PHKA1: variants seen among roughly 807,000 people sequenced by gnomAD.
PHKA1 encodes the protein phosphorylase kinase regulatory subunit alpha 1.
Under a neutral mutation model 110.2 loss-of-function variants are expected in PHKA1, and 60 were observed. That is an observed-to-expected ratio of 0.54 (90% CI 0.44 to 0.68). The LOEUF (loss-of-function observed/expected upper bound fraction) is 0.68, where lower values mean the gene tolerates loss of function less well. PHKA1 is among the 30% of genes least tolerant of loss of function. The pLI is 0.00. For missense variants in PHKA1, 801 were observed against 942.5 expected (o/e 0.85, Z 1.97); for synonymous variants, 316 against 333.6 (o/e 0.95, Z 0.58).
rs189185117 is a variant in PHKA1 at position 72,612,827 on chromosome X, C to T, written c.2370-1643G>A. Among the ~76,000 whole-genome samples, 5 of 111,794 alleles carry T rather than the reference C, an allele frequency of 4.5e-5. No individual in the cohort carries two copies. In the East Asian group the frequency reaches 1.4e-3, roughly 32 times the overall value. On this transcript the variant is annotated intron_variant, in intron 21 of 31. Coordinates refer to ENST00000373542, the MANE Select transcript of PHKA1 (RefSeq NM_002637.4). ...AACCCAGGCATGCTTGTGATTAAGG[C>T]AAAAGTGACTTACCTAATTTCTGAG...
chrX:72,680,380 T>A (rs2053833501), intron 5 of PHKA1, among the ~76,000 whole-genome samples: 1 of 112,335 alleles, frequency 8.9e-6, no homozygotes, highest in Non-Finnish European at 1.9e-5. Context: ...AAACATAAGG[T>A]TGACAACAAA....
intron 3 of PHKA1, among the ~76,000 whole-genome samples, chrX:72,697,417 G>A (rs1170270182): frequency 1.8e-5 from 2 of 109,950 alleles, no homozygotes; most frequent in African/African-American, 6.6e-5. Flanking sequence ...GTTAAAAGTC[G>A]GCTTAATTAA....
At chrX:72,596,768 T>C (rs1341839644) in intron 28 of PHKA1, among the ~76,000 whole-genome samples, 6 of 111,715 alleles carry the variant, frequency 5.4e-5, no homozygotes, top group Admixed American at 2.9e-4. Context: ...CTGGGATCTT[T>C]GCAGAAACTG....
At chrX:72,589,321 A>C (rs1229808347) in intron 29 of PHKA1, among the ~76,000 whole-genome samples, 1 of 112,191 alleles carries the variant, frequency 8.9e-6, no homozygotes, top group African/African-American at 3.2e-5. Context: ...AACCATCGAC[A>C]AAAACCACAT....
intron 9 of PHKA1, among the ~76,000 whole-genome samples, chrX:72,656,881 A>G (rs1556301692): frequency 8.9e-6 from 1 of 112,104 alleles, no homozygotes; most frequent in Non-Finnish European, 1.9e-5. Flanking sequence ...TTCAGAACAT[A>G]TAATTTTAGT....
In PHKA1 at chrX:72,581,024, T is replaced by G. The variant is rs1569421125; in HGVS notation, c.3650A>C (p.His1217Pro). ...AATYVQEFLPHSICAMQ is the reference protein window; with the variant it reads ...AATYVQEFLPPSICAMQ Reference sequence around the variant, plus strand: ...CCCTCATTGCATGGCACAGATGCTGTGGGGCAGGAACTCCTGCACGTAGGT... The same window carrying G: ...CCCTCATTGCATGGCACAGATGCTGGGGGGCAGGAACTCCTGCACGTAGGT... The change falls in exon 32 of 32, where the codon CAC becomes CCC. Residue 1217 changes from histidine to proline, a missense_variant. This residue lies in a region of PHKA1 where 502 missense variants were observed against 519.2 expected (regional missense o/e 0.97). Coordinates refer to ENST00000373542, the MANE Select transcript of PHKA1 (RefSeq NM_002637.4). 4.1e-6 allele frequency: 5 copies of G among 1,209,452 alleles called. No individual in the cohort carries two copies. The highest frequency in any genetic ancestry group is 4.5e-6 in the Non-Finnish European group (4 of 894,856).
At chrX:72,581,257 T>A in intron 31 of PHKA1, 82 bp from the exon 32 acceptor site, 3 of 625,282 alleles carry the variant, frequency 4.8e-6, no homozygotes, top group Non-Finnish European at 8.2e-6. Flanking sequence ...ATTAGCATAA[T>A]TCAGAACCTC....
intron 3 of PHKA1, among the ~76,000 whole-genome samples, chrX:72,699,064 G>A (rs2054166721): frequency 9.0e-6 from 1 of 111,119 alleles, no homozygotes; most frequent in African/African-American, 3.3e-5. Flanking sequence ...AATTATTTGG[G>A]TATTTTCCAA....
chrX:72,611,884 A>G (rs889604238), intron 21 of PHKA1, among the ~76,000 whole-genome samples: 1 of 112,055 alleles, frequency 8.9e-6, no homozygotes, highest in South Asian at 3.7e-4. Flanking sequence ...TTGGAAATAT[A>G]TATCAGTATT....
chrX:72,662,341 T>C (rs1195603883), intron 8 of PHKA1, among the ~76,000 whole-genome samples: 15 of 111,714 alleles, frequency 1.3e-4, no homozygotes, highest in Non-Finnish European at 3.8e-5. Flanking sequence ...TGCCATCATT[T>C]CACCAACCCC....
intron 7 of PHKA1, 126 bp downstream of exon 7, chrX:72,667,249 G>A (rs2053625001): frequency 1.9e-6 from 1 of 530,399 alleles, no homozygotes; most frequent in Non-Finnish European, 3.3e-6. Flanking sequence ...ATATATTTTT[G>A]GTACATGGTA....
chrX:72,662,846 A>G (rs2053576349), intron 8 of PHKA1, among the ~76,000 whole-genome samples: 1 of 110,937 alleles, frequency 9.0e-6, no homozygotes, highest in Non-Finnish European at 1.9e-5. Context: ...TCCACCTAGA[A>G]CCAAAGCCAG....
intron 14 of PHKA1, among the ~76,000 whole-genome samples, chrX:72,638,365 G>T (rs4825956): frequency 4.2e-5 from 4 of 96,224 alleles, no homozygotes; most frequent in African/African-American, 1.6e-4. Context: ...CACAGTGAGA[G>T]CTTCTCTCAA....
At chrX:72,645,535 C>T (rs556148917) in intron 13 of PHKA1, among the ~76,000 whole-genome samples, 2 of 112,088 alleles carry the variant, frequency 1.8e-5, no homozygotes, top group East Asian at 5.6e-4. Flanking sequence ...GACATAACAC[C>T]ATCTTGATTA....
At chrX:72,646,076 C>T (rs184007149) in intron 13 of PHKA1, among the ~76,000 whole-genome samples, 1 of 112,291 alleles carries the variant, frequency 8.9e-6, no homozygotes, top group African/African-American at 3.2e-5. Context: ...GAACCACATA[C>T]ACTTCAATAT....
At chrX:72,626,535 C>T (rs781804573) in intron 17 of PHKA1, among the ~76,000 whole-genome samples, 2 of 111,059 alleles carry the variant, frequency 1.8e-5, no homozygotes, top group African/African-American at 3.3e-5. Flanking sequence ...ATTATGTTAT[C>T]GAAGATACAG....
chrX:72,640,643 C>T (rs1265133862), intron 14 of PHKA1, among the ~76,000 whole-genome samples: 1 of 111,632 alleles, frequency 9.0e-6, no homozygotes, highest in African/African-American at 3.2e-5. Flanking sequence ...GAATTACAGG[C>T]GATTGTTATC....
intron 16 of PHKA1, among the ~76,000 whole-genome samples, chrX:72,632,799 T>C (rs1272097931): frequency 1.8e-5 from 2 of 112,233 alleles, no homozygotes; most frequent in Non-Finnish European, 3.8e-5. Context: ...TTACTAGCTT[T>C]GTGACTTTGG....
intron 4 of PHKA1, 58 bp from the exon 5 acceptor site, chrX:72,684,638 G>A: frequency 2.7e-6 from 2 of 734,919 alleles, no homozygotes; most frequent in Non-Finnish European, 4.2e-6. Flanking sequence ...AAGCTTTATA[G>A]GCAGCCATAG....
Sources: allele counts gnomAD v4.1 joint callset (sites outside exome capture counted in the v4.1 genomes callset), GRCh38; gene constraint gnomAD v4.1.1; regional missense constraint gnomAD v4.1.1; transcripts MANE v1.5; gene names NCBI Gene and HGNC (gene_info 2026-07-23, HGNC 2026-07-21).